Variants in DNER observed in about 807,000 individuals in gnomAD.
DNER encodes delta and Notch-like epidermal growth factor-related receptor.
In DNER, 33 loss-of-function variants were observed where a neutral mutation model predicts 78.2. The observed-to-expected ratio is 0.42, with a 90% confidence interval of 0.32 to 0.56. The LOEUF (loss-of-function observed/expected upper bound fraction) is 0.56, where lower values mean the gene tolerates loss of function less well. Among genes scored for constraint, DNER ranks in the 20% least tolerant of loss-of-function variants. The pLI is 0.11. For synonymous variants in DNER, 417 were observed against 384.8 expected (o/e 1.08, Z -0.98); for missense variants, 918 against 975.3 (o/e 0.94, Z 0.78).
At chr2:229,712,539 T>C (rs1367334754) in intron 1 of DNER, among the ~76,000 whole-genome samples, 1 of 152,196 alleles carries the variant, frequency 6.6e-6, no homozygotes, top group African/African-American at 2.4e-5. Context: ...TTCAGACGTG[T>C]GAATATAACA....
chr2:229,633,408 G>T (rs1698473491), intron 1 of DNER, among the ~76,000 whole-genome samples: 1 of 152,012 alleles, frequency 6.6e-6, no homozygotes, highest in Admixed American at 6.6e-5. Context: ...GTTATATTTG[G>T]GTCATGGATA....
chr2:229,657,189 T>C (rs1426226329), intron 1 of DNER, among the ~76,000 whole-genome samples: 1 of 114,732 alleles, frequency 8.7e-6, no homozygotes, highest in Middle Eastern at 4.2e-3. Context: ...GCTTTCTGCT[T>C]CTGTGAGTTT....
At chr2:229,411,003 T>C (rs1325428693) in intron 9 of DNER, among the ~76,000 whole-genome samples, 1 of 152,218 alleles carries the variant, frequency 6.6e-6, no homozygotes, top group South Asian at 2.1e-4. Flanking sequence ...GAAATTACAA[T>C]TGACATCTCA....
intron 4 of DNER, among the ~76,000 whole-genome samples, chr2:229,556,950 A>G (rs1696865641): frequency 6.6e-6 from 1 of 152,202 alleles, no homozygotes; most frequent in South Asian, 2.1e-4. Flanking sequence ...TTAGTTGTTT[A>G]TATCTCCCTT....
At chr2:229,577,499 G>A (rs1019485154) in intron 4 of DNER, among the ~76,000 whole-genome samples, 12 of 152,148 alleles carry the variant, frequency 7.9e-5, no homozygotes, top group Non-Finnish European at 1.6e-4. Context: ...GCTGGGCGTG[G>A]TGGTGGGAGC....
intron 1 of DNER, among the ~76,000 whole-genome samples, chr2:229,678,244 G>A (rs151296952): frequency 1.1e-4 from 16 of 152,216 alleles, no homozygotes; most frequent in Admixed American, 7.2e-4. Flanking sequence ...TGTCCCCTTC[G>A]TATTTCCCAA....
chr2:229,476,349 G>A (rs780869110), intron 7 of DNER, among the ~76,000 whole-genome samples: 4 of 152,032 alleles, frequency 2.6e-5, no homozygotes, highest in South Asian at 2.1e-4. Context: ...CTGGACCACC[G>A]CCCTCCCCCT....
chr2:229,574,854 T>TA (rs900095047), intron 4 of DNER, among the ~76,000 whole-genome samples: 1 of 152,098 alleles, frequency 6.6e-6, no homozygotes, highest in African/African-American at 2.4e-5. Flanking sequence ...AATTTGGCTA[T>TA]AAAAAAAGGC....
chr2:229,377,625 C>T (rs1692637552), intron 11 of DNER, among the ~76,000 whole-genome samples: 1 of 152,128 alleles, frequency 6.6e-6, no homozygotes, highest in Non-Finnish European at 1.5e-5. Context: ...TAGGATGGTC[C>T]TGGATCAATC....
intron 5 of DNER, among the ~76,000 whole-genome samples, chr2:229,518,463 A>G (rs942130244): frequency 1.3e-5 from 2 of 152,232 alleles, no homozygotes; most frequent in Admixed American, 6.5e-5. Flanking sequence ...TGTAAGTGCT[A>G]TAAAGAAGTG....
At chr2:229,595,519 T>G (rs1445663695) in intron 1 of DNER, among the ~76,000 whole-genome samples, 1 of 152,124 alleles carries the variant, frequency 6.6e-6, no homozygotes, top group Non-Finnish European at 1.5e-5. Context: ...TGACCTCAGG[T>G]GATCCACCTG....
intron 1 of DNER, among the ~76,000 whole-genome samples, chr2:229,603,180 T>A (rs918324803): frequency 2.0e-5 from 3 of 152,160 alleles, no homozygotes; most frequent in African/African-American, 7.2e-5. Flanking sequence ...CCAATTGGAT[T>A]GTAGATCCAA....
chr2:229,454,789 A>T (rs140212894), intron 7 of DNER, among the ~76,000 whole-genome samples: 11 of 152,262 alleles, frequency 7.2e-5, no homozygotes, highest in African/African-American at 2.6e-4. Flanking sequence ...ATGAGAATGG[A>T]ACTAATACTT....
At chr2:229,575,770 A>G (rs1451982525) in intron 4 of DNER, among the ~76,000 whole-genome samples, 1 of 152,226 alleles carries the variant, frequency 6.6e-6, no homozygotes. Context: ...TAAGTAAATC[A>G]TGCTGACCAT....
chr2:229,574,769 T>TTC (rs1361882846), intron 4 of DNER, among the ~76,000 whole-genome samples: 1 of 152,190 alleles, frequency 6.6e-6, no homozygotes, highest in Non-Finnish European at 1.5e-5. Context: ...TCCTGAGAAA[T>TTC]TCTCTCTCTT....
chr2:229,588,796 A>T (rs1420939088), intron 2 of DNER, among the ~76,000 whole-genome samples: 1 of 152,234 alleles, frequency 6.6e-6, no homozygotes, highest in Non-Finnish European at 1.5e-5. Flanking sequence ...CATTCATTTA[A>T]CAAGCAGTCA....
intron 1 of DNER, among the ~76,000 whole-genome samples, chr2:229,687,814 T>G (rs1420088102): frequency 6.6e-6 from 1 of 152,214 alleles, no homozygotes; most frequent in Non-Finnish European, 1.5e-5. Flanking sequence ...AATAGAGTAA[T>G]TTCACACAAT....
At chr2:229,532,612 G>T (rs773496748) in intron 5 of DNER, among the ~76,000 whole-genome samples, 1 of 152,180 alleles carries the variant, frequency 6.6e-6, no homozygotes, top group African/African-American at 2.4e-5. Flanking sequence ...CAAGGAGAAG[G>T]TCCCAGGCCC....
chr2:229,689,140 CTTAAAA>C lies in DNER; in HGVS notation c.276+25002_276+25007del, dbSNP rs139128898. Among the ~76,000 whole-genome samples, 1,177 of 152,316 alleles carry C rather than the reference CTTAAAA, an allele frequency of 7.7e-3. 11 individuals carry two copies. Among genetic ancestry groups the C allele is most frequent in the Middle Eastern group, 0.051 (15 of 294 alleles). Reference sequence around the variant, plus strand: ...TGCACACTGCACATGTACCCCAGAACTTAAAATTAAAATTAAATGAACTCCATAATC... The same window carrying C: ...TGCACACTGCACATGTACCCCAGAACTTAAAATTAAATGAACTCCATAATC... On this transcript the variant is annotated intron_variant, in intron 1 of 12. Coordinates refer to ENST00000341772, the MANE Select transcript of DNER (RefSeq NM_139072.4).
Sources: gnomAD v4.1 joint callset for allele counts (sites outside exome capture counted in the v4.1 genomes callset) on GRCh38, gnomAD v4.1.1 for gene constraint, MANE v1.5 for transcripts, NCBI Gene and HGNC (gene_info 2026-07-23, HGNC 2026-07-21) for gene names.